The following CA13 variants were observed in gnomAD, a reference collection of about 807,000 sequenced individuals.
The protein encoded by CA13 is carbonic anhydrase 13.
A neutral mutation model predicts 31.5 loss-of-function variants in CA13; 21 were observed. The ratio of observed to expected loss-of-function variants is 0.67; its 90% CI spans 0.47 to 0.96. The LOEUF is 0.96. Ranked by LOEUF, CA13 falls within the 40% of genes least tolerant of loss-of-function variation. CA13 has a pLI of 0.00. For missense variants in CA13, 315 were observed against 318.9 expected, an observed-to-expected ratio of 0.99 and a Z score of 0.09; for synonymous variants, 117 against 111.4, an observed-to-expected ratio of 1.05 and a Z score of -0.32.
At chr8:85,257,491 C>T (rs2129963846) in intron 2 of CA13, among the ~76,000 whole-genome samples, 1 of 151,636 alleles carries the variant, frequency 6.6e-6, no homozygotes, top group South Asian at 2.1e-4. Context: ...GAGGCTGAGG[C>T]AGGAGGATCA....
chr8:85,273,575 A>G (rs1807557643), intron 6 of CA13, among the ~76,000 whole-genome samples: 1 of 152,050 alleles, frequency 6.6e-6, no homozygotes, highest in Admixed American at 6.6e-5. Context: ...AGCGTGCGTC[A>G]GGCAAGATAG....
intron 5 of CA13, among the ~76,000 whole-genome samples, chr8:85,268,165 C>T (rs916472927): frequency 2.6e-5 from 4 of 152,124 alleles, no homozygotes; most frequent in South Asian, 2.1e-4. Flanking sequence ...AATAAATATA[C>T]TTATGCATAA....
At position 85,260,243 on chromosome 8, in the gene CA13, G is replaced by A. The variant is rs566261537; in HGVS notation, c.354+704G>A. ...ATGCTCTACTTTTTTTAATCCTTTG[G>A]TTAAAGAACAAAGCATAATAAGCTT... On this transcript the variant is annotated intron_variant, in intron 3 of 6. Transcript: ENST00000321764. Among the ~76,000 whole-genome samples the A allele has an allele frequency of 2.6e-5, 4 of 151,992 alleles. No individual in the cohort carries two copies. In the South Asian group the frequency reaches 8.3e-4, roughly 32 times the overall value.
chr8:85,272,910 C>G (rs747131431), intron 6 of CA13, among the ~76,000 whole-genome samples: 1 of 152,136 alleles, frequency 6.6e-6, no homozygotes, highest in Non-Finnish European at 1.5e-5. Context: ...CACCACCTCC[C>G]GGGTTCAAGA....
chr8:85,260,683 T>C (rs1435776894), intron 3 of CA13, among the ~76,000 whole-genome samples: 2 of 152,226 alleles, frequency 1.3e-5, no homozygotes, highest in African/African-American at 4.8e-5. Flanking sequence ...TTTATGATGG[T>C]GGACAAACTT....
chr8:85,275,675 C>G (rs1488451043), intron 6 of CA13, among the ~76,000 whole-genome samples: 1 of 152,140 alleles, frequency 6.6e-6, no homozygotes, highest in Non-Finnish European at 1.5e-5. Flanking sequence ...CCCCATTGTC[C>G]AATTGTGGTG....
At position 85,245,798 on chromosome 8, in the gene CA13, C is replaced by A; in HGVS notation, c.-31C>A. ...CCTCCTCTTTCTCGCTGCTCAGTCACATCTTTCTCTTCCTTCCACCCCGAG... is the reference window on the plus strand; with the variant it reads ...CCTCCTCTTTCTCGCTGCTCAGTCAAATCTTTCTCTTCCTTCCACCCCGAG... On this transcript the variant is annotated 5_prime_UTR_variant, in exon 1 of 7. Coordinates refer to ENST00000321764, the MANE Select transcript of CA13 (RefSeq NM_198584.3). 1.9e-6 allele frequency: 3 copies of A among 1,613,396 alleles called. No individual in the cohort carries two copies. Among genetic ancestry groups the A allele is most frequent in the Non-Finnish European group, 2.5e-6 (3 of 1,179,374 alleles).
chr8:85,253,589 C>T lies in CA13; in HGVS notation c.235+2652C>T, dbSNP rs190233537. Among the ~76,000 whole-genome samples, 16 of 152,266 alleles carry T rather than the reference C, an allele frequency of 1.1e-4. No individual in the cohort carries two copies. In the East Asian group the frequency reaches 3.1e-3, roughly 29 times the overall value. The stretch of plus-strand genomic sequence containing the variant: ...TTTCATCAAAGCATTGTAAAAAATG[C>T]ATAAAGACAAATAAATACATGGTAT... On this transcript the variant is annotated intron_variant, in intron 2 of 6. Coordinates refer to ENST00000321764, the MANE Select transcript of CA13 (RefSeq NM_198584.3).
chr8:85,267,781 C>A, intron 4 of CA13, 121 bp from the exon 5 acceptor site: 1 of 582,934 alleles, frequency 1.7e-6, no homozygotes, highest in Non-Finnish European at 3.0e-6. Flanking sequence ...AGAACAATCA[C>A]TGTATGTTCT....
chr8:85,265,180 C>A (rs575000925), intron 3 of CA13, among the ~76,000 whole-genome samples: 2 of 152,166 alleles, frequency 1.3e-5, no homozygotes, highest in African/African-American at 4.8e-5. Flanking sequence ...ATAAGTATTT[C>A]CTTCCTGATA....
chr8:85,257,647 T>C (rs772467068), intron 2 of CA13, among the ~76,000 whole-genome samples: 3 of 151,708 alleles, frequency 2.0e-5, no homozygotes, highest in African/African-American at 2.4e-5. Context: ...GGAGGATTAA[T>C]TGAGGCTGCA....
Position 85,245,794 on chromosome 8 carries a change from G to GTC in CA13, c.-34_-33dup. On this transcript the variant is annotated 5_prime_UTR_variant, in exon 1 of 7. Coordinates refer to ENST00000321764, the MANE Select transcript of CA13 (RefSeq NM_198584.3). ...GCTCCCTCCTCTTTCTCGCTGCTCA[G>GTC]TCACATCTTTCTCTTCCTTCCACCC... The GTC allele has an allele frequency of 3.1e-6, 5 of 1,612,846 alleles. No individual in the cohort carries two copies. Among genetic ancestry groups the GTC allele is most frequent in the Non-Finnish European group, 4.2e-6 (5 of 1,178,958 alleles).
chr8:85,282,499 G>C lies in CA13; in HGVS notation c.*1150G>C, dbSNP rs1181813513. ...ATGAACATGTGGCCCGTTTTTGCCT[G>C]GTGTTTTGGCAGCAAAGCAGGAAGC... is the stretch of plus-strand genomic sequence containing the variant. On this transcript the variant is annotated 3_prime_UTR_variant, in exon 7 of 7. Coordinates refer to ENST00000321764, the MANE Select transcript of CA13 (RefSeq NM_198584.3). The C allele has an allele frequency of 6.6e-6, 1 of 152,332 alleles. No individual in the cohort carries two copies. The highest frequency in any genetic ancestry group is 2.4e-5 in the African/African-American group (1 of 41,438). The allele number at this position is 152,332 out of a possible 1,614,324, so 9.4% of individuals were successfully genotyped here. A position where few individuals can be genotyped will look rare whatever the true frequency, so the allele number is the denominator to read the frequency against.
At chr8:85,266,246 G>A (rs1401877100) in intron 3 of CA13, among the ~76,000 whole-genome samples, 1 of 152,106 alleles carries the variant, frequency 6.6e-6, no homozygotes, top group Non-Finnish European at 1.5e-5. Flanking sequence ...GCTGGAGTGT[G>A]GTGGCGCAGT....
At chr8:85,246,007 T>A in intron 1 of CA13, 142 bp downstream of exon 1, 1 of 934,556 alleles carries the variant, frequency 1.1e-6, no homozygotes, top group Non-Finnish European at 1.7e-6. Context: ...GCAGCACTCC[T>A]GGGAGCCCAG....
At chr8:85,256,852 C>T (rs573439354) in intron 2 of CA13, among the ~76,000 whole-genome samples, 1 of 152,244 alleles carries the variant, frequency 6.6e-6, no homozygotes, top group African/African-American at 2.4e-5. Context: ...TGTATATGCT[C>T]TGAGTAAAAT....
chr8:85,262,682 C>G (rs1807400851), intron 3 of CA13, among the ~76,000 whole-genome samples: 1 of 152,130 alleles, frequency 6.6e-6, no homozygotes, highest in Non-Finnish European at 1.5e-5. Context: ...AATAATTCAA[C>G]TACTGTTTGA....
chr8:85,248,944 A>G (rs2129942284), intron 1 of CA13, among the ~76,000 whole-genome samples: 1 of 152,310 alleles, frequency 6.6e-6, no homozygotes, highest in East Asian at 1.9e-4. Flanking sequence ...AGGGGGAAAA[A>G]AGTCTAGGTT....
At chr8:85,271,553 A>G (rs890459077) in intron 6 of CA13, among the ~76,000 whole-genome samples, 7 of 152,216 alleles carry the variant, frequency 4.6e-5, no homozygotes, top group East Asian at 1.9e-4. Flanking sequence ...TGGAGGGACA[A>G]CTTCTCTTGC....
Sources: gnomAD v4.1 joint callset for allele counts (sites outside exome capture counted in the v4.1 genomes callset) on GRCh38, gnomAD v4.1.1 for gene constraint, MANE v1.5 for transcripts, NCBI Gene and HGNC (gene_info 2026-07-23, HGNC 2026-07-21) for gene names.